Variants in RGS17 observed in about 807,000 individuals in gnomAD.
RGS17 encodes regulator of G-protein signaling 17.
A neutral mutation model predicts 25.5 loss-of-function variants in RGS17; 12 were observed. The observed-to-expected ratio is 0.47, with a 90% CI of 0.30 to 0.76. RGS17 has a LOEUF of 0.76. Ranked by LOEUF, RGS17 falls within the 30% of genes least tolerant of loss-of-function variation. RGS17 has a pLI of 0.07. For missense variants in RGS17, 196 were observed against 242.2 expected, an observed-to-expected ratio of 0.81 and a Z score of 1.27; for synonymous variants, 71 against 76.9, an observed-to-expected ratio of 0.92 and a Z score of 0.40.
intron 1 of RGS17, among the ~76,000 whole-genome samples, chr6:153,109,861 C>T (rs529606960): frequency 1.7e-4 from 26 of 152,264 alleles, no homozygotes; most frequent in African/African-American, 6.3e-4. Context: ...GCAAACTTGC[C>T]CCCTGGGGCC....
At position 153,024,379 on chromosome 6, in the gene RGS17, C is replaced by T. The variant is rs939551752; in HGVS notation, c.327G>A (p.Glu109=). 17 of 1,614,134 alleles carry T rather than the reference C, an allele frequency of 1.1e-5. No homozygotes were observed. Among genetic ancestry groups the T allele is most frequent in the Non-Finnish European group, 1.4e-5 (16 of 1,179,970 alleles). The change falls in exon 4 of 5, where the codon GAG becomes GAA. Residue 109 remains glutamate, a synonymous_variant. Coordinates refer to ENST00000206262, the MANE Select transcript of RGS17 (RefSeq NM_012419.5). ...CACAAGCAAGCCAGAAAAGTAGGTT[C>T]TCTTCACTGTATTCTGTTCGGAGGA... ...REFLRTEYSE[E]NLLFWLACED...
chr6:153,018,790 T>C (rs977504258), intron 4 of RGS17, among the ~76,000 whole-genome samples: 1 of 152,230 alleles, frequency 6.6e-6, no homozygotes, highest in African/African-American at 2.4e-5. Flanking sequence ...GCTTGGCTCA[T>C]AGGAAATAGT....
intron 1 of RGS17, among the ~76,000 whole-genome samples, chr6:153,125,456 G>T (rs970899052): frequency 1.3e-5 from 2 of 152,130 alleles, no homozygotes; most frequent in Admixed American, 1.3e-4. Context: ...ATTTGAAATA[G>T]ATTTTATTTT....
In RGS17 at chr6:153,008,075, T is replaced by C. The variant is rs1272539003; in HGVS notation, c.*3499A>G. ...TAAGTTAAAGGTATAGAAAAATGGA[T>C]AAACTCAAAAGTAAAAATCAGGCAT... On this transcript the variant is annotated 3_prime_UTR_variant, in exon 5 of 5. Coordinates refer to ENST00000206262, the MANE Select transcript of RGS17 (RefSeq NM_012419.5). The C allele has an allele frequency of 6.6e-6, 1 of 152,180 alleles. No individual in the cohort carries two copies. The highest frequency in any genetic ancestry group is 1.5e-5 in the Non-Finnish European group (1 of 68,028). The allele number at this position is 152,180 out of a possible 1,614,324, so 9.4% of individuals were successfully genotyped here.
chr6:153,064,487 G>A (rs574175244), intron 1 of RGS17, among the ~76,000 whole-genome samples: 11 of 152,034 alleles, frequency 7.2e-5, no homozygotes, highest in East Asian at 1.9e-4. Context: ...AAAATTAGCC[G>A]GGTGTGGTGG....
intron 1 of RGS17, among the ~76,000 whole-genome samples, chr6:153,108,513 C>A (rs998792566): frequency 6.6e-6 from 1 of 151,744 alleles, no homozygotes; most frequent in Non-Finnish European, 1.5e-5. Context: ...GCTCACTTCT[C>A]CCCCTTGTGC....
In RGS17 at chr6:153,056,838, CTGTGTGTG is replaced by C. The variant is rs59058708; in HGVS notation, c.-25-12803_-25-12796del. 8.7e-3 allele frequency among the ~76,000 whole-genome samples: 1,253 copies of C among 144,486 alleles called. 22 individuals carry two copies. The highest frequency in any genetic ancestry group is 0.025 in the African/African-American group (981 of 39,010). 94.8% of individuals were successfully genotyped at this position (144,486 alleles called of 152,430 possible). A position where few individuals can be genotyped will look rare whatever the true frequency, so the allele number is the denominator to read the frequency against. On this transcript the variant is annotated intron_variant, in intron 1 of 4. Transcript: ENST00000206262. ...ATTGAAAAACTCTTAAGAGGAAGGGCTGTGTGTGTGTGTGTGTGTGTGTGTGTGTGTGT... is the reference window on the plus strand; with the variant it reads ...ATTGAAAAACTCTTAAGAGGAAGGGCTGTGTGTGTGTGTGTGTGTGTGTGT...
chr6:153,075,940 C>A (rs1051268466), intron 1 of RGS17, among the ~76,000 whole-genome samples: 1 of 152,046 alleles, frequency 6.6e-6, no homozygotes, highest in Non-Finnish European at 1.5e-5. Flanking sequence ...TGCTTATTTA[C>A]AGTAGGCGGG....
chr6:153,033,053 T>C (rs911966507), intron 2 of RGS17, among the ~76,000 whole-genome samples: 5 of 152,238 alleles, frequency 3.3e-5, no homozygotes, highest in Non-Finnish European at 4.4e-5. Flanking sequence ...GGGTGGTACG[T>C]GAACATTCAT....
intron 1 of RGS17, among the ~76,000 whole-genome samples, chr6:153,072,893 T>A (rs1035996161): frequency 3.9e-5 from 6 of 152,206 alleles, no homozygotes; most frequent in Non-Finnish European, 7.3e-5. Context: ...ACTTACAGTA[T>A]TTGATTTCCA....
rs1779277860 is a variant in RGS17 at position 153,024,434 on chromosome 6, GC to G, written c.271del (p.Ala91ProfsTer30). 1 of 1,613,992 alleles carries G rather than the reference GC, an allele frequency of 6.2e-7. No homozygotes were observed. Among genetic ancestry groups the G allele is most frequent in the Non-Finnish European group, 8.5e-7 (1 of 1,180,006 alleles). ...TCTGAAAAGGTTTCTTCCTGCTGGG[GC>G]CTTCATCATCTTGTCAAAATTTTGA... Reference protein sequence around the residue: ...WSQNFDKMMKAPAGRNLFREF... With the variant: ...WSQNFDKMMKXPAGRNLFREF... On this transcript the variant is annotated frameshift_variant, in exon 4 of 5. Transcript: ENST00000206262. LOFTEE classifies it high-confidence loss of function.
At chr6:153,083,550 G>T (rs1777011730) in intron 1 of RGS17, among the ~76,000 whole-genome samples, 1 of 152,124 alleles carries the variant, frequency 6.6e-6, no homozygotes, top group Non-Finnish European at 1.5e-5. Context: ...ATGGAAATAA[G>T]GTAATTAGTA....
intron 1 of RGS17, among the ~76,000 whole-genome samples, chr6:153,116,105 G>A (rs1158960729): frequency 6.6e-6 from 1 of 152,100 alleles, no homozygotes; most frequent in Non-Finnish European, 1.5e-5. Flanking sequence ...CTTCTGCACA[G>A]CAAAAAAACT....
intron 1 of RGS17, among the ~76,000 whole-genome samples, chr6:153,122,432 C>G (rs1777646190): frequency 6.6e-6 from 1 of 152,038 alleles, no homozygotes; most frequent in Non-Finnish European, 1.5e-5. Context: ...GGTCATTAGA[C>G]ATTGAATTTA....
chr6:153,063,232 A>C (rs1776662820), intron 1 of RGS17, among the ~76,000 whole-genome samples: 1 of 152,198 alleles, frequency 6.6e-6, no homozygotes, highest in South Asian at 2.1e-4. Flanking sequence ...AAATGAACTA[A>C]ATAAGCCACC....
rs926185663 is a variant in RGS17 at position 153,027,484 on chromosome 6, G to A, written c.120-941C>T. On this transcript the variant is annotated intron_variant, in intron 2 of 4. Transcript: ENST00000206262. ...CAACTGATCCCTCTGTCTAGAAGCC[G>A]AGGAGCTTAAGAGCCTGGCAGAGAG... Among the ~76,000 whole-genome samples, 8 of 152,106 alleles carry A rather than the reference G, an allele frequency of 5.3e-5. No individual in the cohort carries two copies. In the South Asian group the frequency reaches 6.2e-4, roughly 12 times the overall value.
Position 153,009,701 on chromosome 6 carries a change from G to A in RGS17, c.*1873C>T, listed in dbSNP as rs1310469738. 1 of 151,646 alleles carries A rather than the reference G, an allele frequency of 6.6e-6. No individual in the cohort carries two copies. Among genetic ancestry groups the A allele is most frequent in the African/African-American group, 2.4e-5 (1 of 41,318 alleles). 9.4% of individuals were successfully genotyped at this position (151,646 alleles called of 1,614,324 possible). A position where few individuals can be genotyped will look rare whatever the true frequency, so the allele number is the denominator to read the frequency against. ...TTTTAACTGCATTTTCATAAATAAC[G>A]TATTTAAAAGTGCTGAATATGGTAG... On this transcript the variant is annotated 3_prime_UTR_variant, in exon 5 of 5. Coordinates refer to ENST00000206262, the MANE Select transcript of RGS17 (RefSeq NM_012419.5).
intron 1 of RGS17, among the ~76,000 whole-genome samples, chr6:153,099,463 A>G (rs371035810): frequency 3.9e-5 from 6 of 152,196 alleles, no homozygotes; most frequent in African/African-American, 1.2e-4. Flanking sequence ...TTACCCTGCT[A>G]TAATTAGAGA....
At chr6:153,114,540 C>T (rs1033156257) in intron 1 of RGS17, among the ~76,000 whole-genome samples, 1 of 152,134 alleles carries the variant, frequency 6.6e-6, no homozygotes, top group Non-Finnish European at 1.5e-5. Flanking sequence ...GAAACTATTC[C>T]AAACCACAGA....
Sources: gnomAD v4.1 joint callset for allele counts (sites outside exome capture counted in the v4.1 genomes callset) on GRCh38, gnomAD v4.1.1 for gene constraint, MANE v1.5 for transcripts, NCBI Gene and HGNC (gene_info 2026-07-23, HGNC 2026-07-21) for gene names.